The following RAD51B variants were observed in gnomAD, a reference collection of about 807,000 sequenced individuals.
RAD51B encodes the protein DNA repair protein RAD51 homolog 2.
Under a neutral mutation model 42.2 loss-of-function variants are expected in RAD51B, and 38 were observed. The observed-to-expected ratio is 0.90, with a 90% CI of 0.70 to 1.18. RAD51B has a LOEUF of 1.18. Among genes scored for constraint, RAD51B ranks in the 50% most tolerant of loss-of-function variants. The pLI, the probability that RAD51B is intolerant of heterozygous loss-of-function variation, is 0.00. For missense variants in RAD51B, 373 were observed against 400.7 expected, an observed-to-expected ratio of 0.93 and a Z score of 0.59; for synonymous variants, 154 against 145.2, an observed-to-expected ratio of 1.06 and a Z score of -0.43.
chr14:68,537,477 C>T (rs1485091381), intron 10 of RAD51B, among the ~76,000 whole-genome samples: 3 of 143,806 alleles, frequency 2.1e-5, no homozygotes, highest in Admixed American at 7.1e-5. Context: ...CCAGCCTGGG[C>T]GACAGAGCAA....
rs1259079562 is a variant in RAD51B, at chr14:68,573,753, G to A, written c.1037-20732G>A. On this transcript the variant is annotated intron_variant, in intron 10 of 10. Coordinates refer to the RAD51B transcript ENST00000487270. ...CTCCCCTCAGGAGCCTAAGGTTCTG[G>A]GAGGCTCCAGACCACCATCCAACCT... 3.3e-5 allele frequency among the ~76,000 whole-genome samples: 5 copies of A among 152,154 alleles called. No homozygotes were observed. In the East Asian group the frequency reaches 9.6e-4, roughly 29 times the overall value.
chr14:67,962,614 G>C (rs1455808484), intron 7 of RAD51B, among the ~76,000 whole-genome samples: 3 of 152,084 alleles, frequency 2.0e-5, no homozygotes, highest in Non-Finnish European at 4.4e-5. Context: ...TTGTTGTTGA[G>C]GTATAAAGGC....
rs559397579 is a variant in RAD51B at position 68,190,053 on chromosome 14, C to G, written c.757-101831C>G. Among the ~76,000 whole-genome samples the G allele has an allele frequency of 3.3e-5, 5 of 152,204 alleles. No homozygotes were observed. The East Asian group carries it at 9.6e-4, about 29-fold the overall frequency. ...AAGTGGAATGATTTCAAATTAATTT[C>G]AAAATAATTTCAAATTAATTTCAAA... On this transcript the variant is annotated intron_variant, in intron 7 of 10. Coordinates refer to ENST00000471583, the MANE Select transcript of RAD51B (RefSeq NM_133510.4).
intron 7 of RAD51B, among the ~76,000 whole-genome samples, chr14:68,039,009 G>A (rs567970014): frequency 6.6e-6 from 1 of 152,130 alleles, no homozygotes; most frequent in South Asian, 2.1e-4. Context: ...CTTCAAATTA[G>A]CCATGGTAGA....
chr14:68,071,745 C>T (rs1045527274), intron 7 of RAD51B, among the ~76,000 whole-genome samples: 5 of 151,616 alleles, frequency 3.3e-5, no homozygotes, highest in African/African-American at 1.2e-4. Flanking sequence ...TCATCTCTTC[C>T]AGGTATTGGT....
chr14:68,541,902 T>C, intron 10 of RAD51B: 1 of 920,580 alleles, frequency 1.1e-6, no homozygotes, highest in Non-Finnish European at 1.3e-6. Flanking sequence ...ATTGGTCCTC[T>C]ATTTTGTATA....
chr14:68,673,666 T>C (rs540960587), intron 11 of RAD51B, among the ~76,000 whole-genome samples: 1 of 149,072 alleles, frequency 6.7e-6, no homozygotes, highest in South Asian at 2.1e-4. Flanking sequence ...ATACACATAC[T>C]GTGCACACAC....
intron 10 of RAD51B, among the ~76,000 whole-genome samples, chr14:68,534,492 G>A (rs1479532901): frequency 6.6e-6 from 1 of 152,262 alleles, no homozygotes; most frequent in Non-Finnish European, 1.5e-5. Flanking sequence ...GGAAAGCAAG[G>A]AAGCCCATTT....
intron 8 of RAD51B, among the ~76,000 whole-genome samples, chr14:68,364,569 A>G (rs965647294): frequency 2.0e-5 from 3 of 152,014 alleles, no homozygotes; most frequent in African/African-American, 7.3e-5. Context: ...TTGCAGTGAC[A>G]CATACTGCAG....
intron 7 of RAD51B, among the ~76,000 whole-genome samples, chr14:67,978,156 C>T (rs2075028981): frequency 6.6e-6 from 1 of 151,970 alleles, no homozygotes; most frequent in African/African-American, 2.4e-5. Context: ...ACATTTTTGG[C>T]TTTCCTGTGG....
chr14:68,137,253 A>G (rs559115927), intron 7 of RAD51B, among the ~76,000 whole-genome samples: 1 of 152,296 alleles, frequency 6.6e-6, no homozygotes, highest in African/African-American at 2.4e-5. Flanking sequence ...TCCTGATAGA[A>G]GGAAAACTGG....
At chr14:68,660,039 G>T (rs7140546) in intron 11 of RAD51B, among the ~76,000 whole-genome samples, 2 of 152,074 alleles carry the variant, frequency 1.3e-5, no homozygotes, top group Non-Finnish European at 2.9e-5. Flanking sequence ...GCTTTTAAAC[G>T]AATAAGCCAT....
At chr14:68,166,483 A>G (rs143002224) in intron 7 of RAD51B, among the ~76,000 whole-genome samples, 4 of 152,252 alleles carry the variant, frequency 2.6e-5, no homozygotes, top group African/African-American at 9.6e-5. Flanking sequence ...TTTGGCTTTC[A>G]GAAAGAGTTA....
At chr14:68,380,226 A>C (rs147846711) in intron 8 of RAD51B, among the ~76,000 whole-genome samples, 37 of 152,306 alleles carry the variant, frequency 2.4e-4, no homozygotes, top group Non-Finnish European at 3.1e-4. Flanking sequence ...TGAGGAGCTT[A>C]CTTTTCCTCC....
intron 7 of RAD51B, among the ~76,000 whole-genome samples, chr14:67,993,682 T>C (rs2075335192): frequency 6.6e-6 from 1 of 152,200 alleles, no homozygotes; most frequent in Non-Finnish European, 1.5e-5. Context: ...TTTGATTTAC[T>C]GATGTCCTTT....
At chr14:67,928,811 T>G (rs2044625497) in intron 7 of RAD51B, among the ~76,000 whole-genome samples, 1 of 152,130 alleles carries the variant, frequency 6.6e-6, no homozygotes, top group South Asian at 2.1e-4. Flanking sequence ...CCTTTCTACC[T>G]GCCTAAAAAT....
intron 7 of RAD51B, among the ~76,000 whole-genome samples, chr14:68,228,626 T>TA (rs1216905032): frequency 2.0e-5 from 3 of 152,204 alleles, no homozygotes; most frequent in African/African-American, 7.2e-5. Context: ...ACATGCTTTA[T>TA]AAATTTGTGT....
chr14:68,611,600 A>C, downstream of RAD51B: 2 of 363,340 alleles, frequency 5.5e-6, no homozygotes, highest in Non-Finnish European at 1.0e-5. Context: ...AAATCAACAA[A>C]TTAGTGTGTT....
At chr14:68,627,112 T>A (rs922340756) in intron 10 of RAD51B, 17 of 152,184 alleles carry the variant, frequency 1.1e-4, no homozygotes, top group African/African-American at 4.1e-4. Context: ...AAAAACCACT[T>A]ACATCATCCT....
Sources: allele counts gnomAD v4.1 joint callset (sites outside exome capture counted in the v4.1 genomes callset), GRCh38; gene constraint gnomAD v4.1.1; transcripts MANE v1.5; gene names NCBI Gene and HGNC (gene_info 2026-07-23, HGNC 2026-07-21).